Variants in STAT3 observed in about 807,000 individuals in gnomAD.
STAT3 encodes the protein DNA-binding protein APRF.
A neutral mutation model predicts 114.3 loss-of-function variants in STAT3; 7 were observed. The ratio of observed to expected loss-of-function variants is 0.06; its 90% CI spans 0.03 to 0.11. The LOEUF is 0.11. STAT3 is among the 10% of genes least tolerant of loss of function. STAT3 has a pLI of 1.00. For synonymous variants in STAT3, 331 were observed against 354.5 expected (o/e 0.93, Z 0.74); for missense variants, 364 against 960.9 (o/e 0.38, Z 8.21).
At position 42,331,784 on chromosome 17, in the gene STAT3, G is replaced by A. The variant is rs558397440; in HGVS notation, c.1050-253C>T. Among the ~76,000 whole-genome samples, 418 of 152,122 alleles carry A rather than the reference G, an allele frequency of 2.7e-3. 1 individual carries two copies. The highest frequency in any genetic ancestry group is 4.3e-3 in the Non-Finnish European group (294 of 67,980). On this transcript the variant is annotated intron_variant, in intron 10 of 23. Transcript: ENST00000264657. ...ATCTATAAAAAATTTAAAAATTAGC[G>A]GGGTGTGGTAGCATGTACCTGTAGT... is the stretch of plus-strand genomic sequence containing the variant.
intron 1 of STAT3, among the ~76,000 whole-genome samples, chr17:42,386,686 A>C (rs1232842517): frequency 6.6e-6 from 1 of 152,144 alleles, no homozygotes; most frequent in African/African-American, 2.4e-5. Flanking sequence ...GTGCACCACC[A>C]TGCCTGGCAC....
chr17:42,339,531 C>T, intron 4 of STAT3, 122 bp from the exon 5 acceptor site: 1 of 926,220 alleles, frequency 1.1e-6, no homozygotes, highest in South Asian at 1.4e-5. Flanking sequence ...GCTGCCATCA[C>T]AAGAGGAAGG....
intron 1 of STAT3, among the ~76,000 whole-genome samples, chr17:42,371,932 G>A (rs563289095): frequency 9.9e-5 from 15 of 152,154 alleles, no homozygotes; most frequent in African/African-American, 1.7e-4. Context: ...GCAGTGAGCC[G>A]AGATTGCGCC....
chr17:42,325,857 C>T (rs906362843), intron 15 of STAT3, among the ~76,000 whole-genome samples: 7 of 152,156 alleles, frequency 4.6e-5, no homozygotes, highest in African/African-American at 7.2e-5. Context: ...CCACCGCGCC[C>T]GGCCAATCAA....
intron 1 of STAT3, among the ~76,000 whole-genome samples, chr17:42,383,720 G>T (rs936541956): frequency 6.6e-6 from 1 of 152,188 alleles, no homozygotes; most frequent in Non-Finnish European, 1.5e-5. Flanking sequence ...TCTCACTGAG[G>T]CTGCTCCAGA....
Position 42,329,658 on chromosome 17 carries a change from G to A in STAT3, c.1140-11C>T, listed in dbSNP as rs748389785. ...TTAAATTTCCGGGATCTGAATCACA[G>A]GGGAACAATCAACTATGTAGGTGAC... On this transcript the variant is annotated splice_polypyrimidine_tract_variant and intron_variant, in intron 12 of 23. Coordinates refer to ENST00000264657, the MANE Select transcript of STAT3 (RefSeq NM_139276.3). 6.2e-7 allele frequency: 1 copy of A among 1,614,158 alleles called. No homozygotes were observed. The highest frequency in any genetic ancestry group is 8.5e-7 in the Non-Finnish European group (1 of 1,179,984).
Position 42,315,361 on chromosome 17 carries a change from T to A in STAT3, c.*384A>T. On this transcript the variant is annotated 3_prime_UTR_variant, in exon 24 of 24. Transcript: ENST00000264657. The stretch of plus-strand genomic sequence containing the variant: ...TTGCTTACAGAAACAGGCAGAAGGA[T>A]GCCGCAGGCACCAGGAGGCACTTGT... The A allele has an allele frequency of 2.3e-6, 1 of 430,436 alleles. No homozygotes were observed. The highest frequency in any genetic ancestry group is 2.4e-5 in the South Asian group (1 of 42,364). 26.7% of individuals were successfully genotyped at this position (430,436 alleles called of 1,614,324 possible).
In STAT3 at chr17:42,318,887, T is replaced by C. The variant is rs369339507; in HGVS notation, c.2102-1663A>G. On this transcript the variant is annotated intron_variant, in intron 21 of 23. Coordinates refer to ENST00000264657, the MANE Select transcript of STAT3 (RefSeq NM_139276.3). ...CTAGTGTCTTATAAATCCAACTGTTTTGGCCCAGCCCTTAGGGAGCTGACA... is the reference window on the plus strand; with the variant it reads ...CTAGTGTCTTATAAATCCAACTGTTCTGGCCCAGCCCTTAGGGAGCTGACA... 1.5e-3 allele frequency among the ~76,000 whole-genome samples: 227 copies of C among 152,294 alleles called. 1 individual carries two copies. The highest frequency in any genetic ancestry group is 0.01 in the Middle Eastern group (3 of 294).
chr17:42,337,774 G>C lies in STAT3; in HGVS notation c.634C>G (p.Gln212Glu). 1 of 1,614,212 alleles carries C rather than the reference G, an allele frequency of 6.2e-7. No individual in the cohort carries two copies. The highest frequency in any genetic ancestry group is 8.5e-7 in the Non-Finnish European group (1 of 1,180,034). ...QLEQMLTALD[Q>E]MRRSIVSELA... ...ACCTATGCCCTTACTCTCCGCATCT[G>C]GTCCAGCGCAGTGAGCATCTGTTCC... Residue 212 changes from glutamine to glutamate, a missense_variant, in exon 7 of 24, where the codon CAG (glutamine) becomes GAG (glutamate). By Grantham distance (29) the Gln-to-Glu change is conservative. Coordinates refer to ENST00000264657, the MANE Select transcript of STAT3 (RefSeq NM_139276.3). The surrounding 1 kb of genome is among the most constrained non-coding windows in gnomAD (Gnocchi z 4.0).
chr17:42,388,335 G>C lies in STAT3; in HGVS notation c.-80C>G. 1 of 1,232,070 alleles carries C rather than the reference G, an allele frequency of 8.1e-7. No individual in the cohort carries two copies. The highest frequency in any genetic ancestry group is 1.5e-5 in the African/African-American group (1 of 64,550). The allele number at this position is 1,232,070 out of a possible 1,614,324, so 76.3% of individuals were successfully genotyped here. A position where few individuals can be genotyped will look rare whatever the true frequency, so the allele number is the denominator to read the frequency against. On this transcript the variant is annotated 5_prime_UTR_variant, in exon 1 of 24. Transcript: ENST00000264657. ...GCTGCGCGTGTGCCGGGGACGGGCG[G>C]CGAGGCTCCCTCAGGCCGAAGGGCC...
chr17:42,315,971 ACCCTGCCTC>A, intron 23 of STAT3, 171 bp from the exon 24 acceptor site: 1 of 1,490,584 alleles, frequency 6.7e-7, no homozygotes, highest in Non-Finnish European at 8.9e-7. Flanking sequence ...TCCCTGGAGG[ACCCTGCCTC>A]GGGAAGGGTC....
intron 1 of STAT3, among the ~76,000 whole-genome samples, chr17:42,385,476 T>G (rs913453163): frequency 1.4e-4 from 21 of 145,050 alleles, no homozygotes; most frequent in Non-Finnish European, 2.5e-4. Flanking sequence ...GCCACTGCAC[T>G]CCAGCCTGGG....
At chr17:42,352,084 T>C (rs886077606) in intron 1 of STAT3, among the ~76,000 whole-genome samples, 7 of 152,074 alleles carry the variant, frequency 4.6e-5, no homozygotes, top group Non-Finnish European at 4.4e-5. Flanking sequence ...CTCACACCTG[T>C]AATCCCAGAA....
At chr17:42,338,989 C>T (rs140441115) in intron 5 of STAT3, among the ~76,000 whole-genome samples, 177 bp from the exon 6 acceptor site, 45 of 152,288 alleles carry the variant, frequency 3.0e-4, no homozygotes, top group African/African-American at 9.4e-4. Flanking sequence ...CAGTGGCTCA[C>T]GCCTGTAATG....
intron 1 of STAT3, among the ~76,000 whole-genome samples, chr17:42,379,063 G>A (rs576497646): frequency 6.6e-6 from 1 of 152,178 alleles, no homozygotes; most frequent in South Asian, 2.1e-4. Flanking sequence ...ACCAGACTGG[G>A]CAGGGTTTTC....
rs2081618511 is a variant in STAT3, at chr17:42,324,507, A to G, written c.1600+204T>C. ...GAAAAGAAATCTACCTCCCACCTCA[A>G]AAATGATCACCTCGACTGAAAACTG... On this transcript the variant is annotated intron_variant, in intron 17 of 23. Coordinates refer to ENST00000264657, the MANE Select transcript of STAT3 (RefSeq NM_139276.3). This position sits in a 1 kb window ranked among gnomAD's most constrained non-coding sequence, Gnocchi z 4.5. 6.6e-6 allele frequency among the ~76,000 whole-genome samples: 1 copy of G among 152,110 alleles called. No individual in the cohort carries two copies. The highest frequency in any genetic ancestry group is 2.1e-4 in the South Asian group (1 of 4,826).
intron 1 of STAT3, among the ~76,000 whole-genome samples, chr17:42,354,624 T>C (rs1598461298): frequency 1.3e-5 from 2 of 150,530 alleles, no homozygotes; most frequent in Non-Finnish European, 3.0e-5. Flanking sequence ...CTAGCCAATA[T>C]AGTGAAACCC....
At chr17:42,357,932 CA>C (rs2083305739) in intron 1 of STAT3, among the ~76,000 whole-genome samples, 1 of 152,108 alleles carries the variant, frequency 6.6e-6, no homozygotes, top group South Asian at 2.1e-4. Flanking sequence ...CCTAAAGAGA[CA>C]AAATATTAAC....
intron 1 of STAT3, among the ~76,000 whole-genome samples, chr17:42,351,147 A>G (rs1009389424): frequency 1.3e-5 from 2 of 148,530 alleles, no homozygotes; most frequent in African/African-American, 5.0e-5. Context: ...AAAAAAAAAA[A>G]GAAAAGAAAA....
Sources: gnomAD v4.1 joint callset for allele counts (sites outside exome capture counted in the v4.1 genomes callset) on GRCh38, gnomAD v4.1.1 for gene constraint, Gnocchi (gnomAD v3.1) non-coding constraint, MANE v1.5 for transcripts, NCBI Gene and HGNC (gene_info 2026-07-23, HGNC 2026-07-21) for gene names.